RBM20: variants seen among roughly 807,000 people sequenced by gnomAD.
RBM20 encodes the protein RNA binding motif protein 20, also known as RNA-binding protein 20.
Under a neutral mutation model 110.1 loss-of-function variants are expected in RBM20, and 51 were observed. The observed-to-expected ratio is 0.46, with a 90% CI of 0.37 to 0.59. The LOEUF (loss-of-function observed/expected upper bound fraction) is 0.59, where lower values mean the gene tolerates loss of function less well. Ranked by LOEUF, RBM20 falls within the 20% of genes least tolerant of loss-of-function variation. The pLI, the probability that RBM20 is intolerant of heterozygous loss-of-function variation, is 0.00. For synonymous variants in RBM20, 589 were observed against 618.2 expected (o/e 0.95, Z 0.70); for missense variants, 1,512 against 1,574.9 (o/e 0.96, Z 0.68).
chr10:110,730,142 A>G (rs1226645887), intron 1 of RBM20, among the ~76,000 whole-genome samples: 1 of 152,076 alleles, frequency 6.6e-6, no homozygotes, highest in African/African-American at 2.4e-5. Context: ...GACTAGTCCC[A>G]AGCACCAGGT....
At chr10:110,773,879 CACAGTGG>C (rs1844226018) in intron 1 of RBM20, among the ~76,000 whole-genome samples, 1 of 152,120 alleles carries the variant, frequency 6.6e-6, no homozygotes, top group South Asian at 2.1e-4. Context: ...ACGTACGGAG[CACAGTGG>C]ACTGAAAGCC....
intron 1 of RBM20, among the ~76,000 whole-genome samples, chr10:110,665,995 A>AAGAGAGAGAGAGAG (rs56329688): frequency 2.2e-4 from 32 of 145,378 alleles, no homozygotes; most frequent in African/African-American, 7.2e-4. Flanking sequence ...CAAAGAAAGA[A>AAGAGAGAGAGAGAG]AGAGAGAGAG....
intron 1 of RBM20, among the ~76,000 whole-genome samples, chr10:110,659,740 C>T (rs1355396740): frequency 6.6e-6 from 1 of 151,102 alleles, no homozygotes; most frequent in Non-Finnish European, 1.5e-5. Flanking sequence ...CTTTCCTTTC[C>T]TCTTCCTCTT....
intron 1 of RBM20, among the ~76,000 whole-genome samples, chr10:110,720,193 T>C (rs1843488218): frequency 6.6e-6 from 1 of 152,182 alleles, no homozygotes; most frequent in Non-Finnish European, 1.5e-5. Flanking sequence ...AACTCCAATG[T>C]TCAGTCCACC....
At position 110,836,943 on chromosome 10, in the gene RBM20, G is replaced by A. The variant is rs886046711; in HGVS notation, c.*965G>A. The stretch of plus-strand genomic sequence containing the variant: ...TCGAGAGGCACAGCTCCAGGCTGTG[G>A]AAAACAGAGTTGTCTTGGGGGTTAA... On this transcript the variant is annotated 3_prime_UTR_variant, in exon 14 of 14. Transcript: ENST00000369519. The A allele has an allele frequency of 2.6e-5, 4 of 152,270 alleles. No individual in the cohort carries two copies. 9.4% of individuals were successfully genotyped at this position (152,270 alleles called of 1,614,324 possible).
chr10:110,752,807 C>A (rs1422317283), intron 1 of RBM20, among the ~76,000 whole-genome samples: 1 of 151,338 alleles, frequency 6.6e-6, no homozygotes, highest in African/African-American at 2.4e-5. Context: ...TCACTTACAC[C>A]TTTGTGTAAT....
intron 1 of RBM20, among the ~76,000 whole-genome samples, chr10:110,707,609 T>C (rs1862861209): frequency 2.7e-5 from 4 of 148,504 alleles, no homozygotes. Context: ...TGCAATAACA[T>C]GAATGAAACT....
At chr10:110,681,508 A>G (rs746225601) in intron 1 of RBM20, among the ~76,000 whole-genome samples, 1 of 152,074 alleles carries the variant, frequency 6.6e-6, no homozygotes, top group African/African-American at 2.4e-5. Context: ...AGTGTCAGTG[A>G]CCTTGGAATT....
At chr10:110,771,952 C>A (rs1844199505) in intron 1 of RBM20, among the ~76,000 whole-genome samples, 2 of 152,148 alleles carry the variant, frequency 1.3e-5, no homozygotes, top group African/African-American at 4.8e-5. Context: ...TCGAAAAGCT[C>A]ATTTTTCCAT....
intron 1 of RBM20, among the ~76,000 whole-genome samples, chr10:110,760,385 A>T (rs1843980255): frequency 6.8e-6 from 1 of 147,960 alleles, no homozygotes. Context: ...AGACACTATA[A>T]GCTACATGGG....
intron 1 of RBM20, among the ~76,000 whole-genome samples, chr10:110,764,584 G>A (rs1176894388): frequency 2.6e-5 from 4 of 152,368 alleles, no homozygotes; most frequent in Non-Finnish European, 2.9e-5. Flanking sequence ...CGGGTATGCC[G>A]TGCTCAGGCA....
intron 7 of RBM20, among the ~76,000 whole-genome samples, chr10:110,804,789 C>G (rs1237750732): frequency 6.6e-6 from 1 of 152,204 alleles, no homozygotes; most frequent in Admixed American, 6.5e-5. Context: ...CTCTCTGATG[C>G]AGAAGTGAAC....
intron 1 of RBM20, among the ~76,000 whole-genome samples, chr10:110,743,493 C>T (rs902698360): frequency 8.6e-5 from 13 of 152,010 alleles, no homozygotes; most frequent in Non-Finnish European, 1.8e-4. Flanking sequence ...TAGTCCAAAG[C>T]TTCTCCCTCT....
chr10:110,789,389 T>C (rs143370415), intron 5 of RBM20, among the ~76,000 whole-genome samples: 1,863 of 150,522 alleles, frequency 0.012, 36 homozygotes, highest in African/African-American at 0.043. Context: ...TTTCGTTGCC[T>C]TGTTTGTTTA....
chr10:110,827,078 G>A (rs1336625951), intron 12 of RBM20, among the ~76,000 whole-genome samples: 1 of 152,152 alleles, frequency 6.6e-6, no homozygotes, highest in Non-Finnish European at 1.5e-5. Flanking sequence ...CGAAGGAAGA[G>A]TATGGTATGA....
intron 1 of RBM20, among the ~76,000 whole-genome samples, chr10:110,749,503 G>A (rs10885039): frequency 0.35 from 53,570 of 151,870 alleles, 10,427 homozygotes; most frequent in East Asian, 0.54. Flanking sequence ...TGATATGTTC[G>A]TAGATAGGAT....
At chr10:110,777,868 G>A (rs757418196) in intron 1 of RBM20, among the ~76,000 whole-genome samples, 7 of 152,188 alleles carry the variant, frequency 4.6e-5, no homozygotes, top group East Asian at 1.9e-4. Flanking sequence ...CCTCATTATC[G>A]CCTTGTTAGC....
chr10:110,672,023 A>G (rs1406839521), intron 1 of RBM20, among the ~76,000 whole-genome samples: 2 of 151,866 alleles, frequency 1.3e-5, no homozygotes, highest in Non-Finnish European at 2.9e-5. Flanking sequence ...CCCCAGAGGG[A>G]CAAACTTAGG....
At chr10:110,758,563 A>T (rs556765105) in intron 1 of RBM20, among the ~76,000 whole-genome samples, 7 of 152,262 alleles carry the variant, frequency 4.6e-5, no homozygotes, top group South Asian at 2.1e-4. Flanking sequence ...AGAAGATGAC[A>T]GTAGCACTGG....
Sources: gnomAD v4.1 joint callset for allele counts (sites outside exome capture counted in the v4.1 genomes callset) on GRCh38, gnomAD v4.1.1 for gene constraint, MANE v1.5 for transcripts, NCBI Gene and HGNC (gene_info 2026-07-23, HGNC 2026-07-21) for gene names.